The following LRRC3B variants were observed in gnomAD, a reference collection of about 807,000 sequenced individuals.
LRRC3B encodes the protein leucine rich repeat containing 3B.
LRRC3B carries 2 observed loss-of-function variants against 12.8 expected under a neutral mutation model. The ratio of observed to expected loss-of-function variants is 0.16; its 90% CI spans 0.06 to 0.49. The LOEUF (loss-of-function observed/expected upper bound fraction) is 0.49. Ranked by LOEUF, LRRC3B falls within the 20% of genes least tolerant of loss-of-function variation. The pLI is 0.96. For missense variants in LRRC3B, 189 were observed against 319.4 expected, an observed-to-expected ratio of 0.59 and a Z score of 3.11; for synonymous variants, 132 against 122.0, an observed-to-expected ratio of 1.08 and a Z score of -0.54.
rs79705091 is a variant in LRRC3B, at chr3:26,682,870, T to C, written c.-160-26643T>C. Among the ~76,000 whole-genome samples, 389 of 152,362 alleles carry C rather than the reference T, an allele frequency of 2.6e-3. 3 individuals are homozygous for C. Among genetic ancestry groups the C allele is most frequent in the African/African-American group, 9.1e-3 (377 of 41,588 alleles). ...CATCAATTAGCTCTCTATTTCCTGT[T>C]TCACTTTTCCATTTTGTTTACCCCA... On this transcript the variant is annotated intron_variant, in intron 1 of 1. Coordinates refer to ENST00000396641, the Ensembl canonical transcript of LRRC3B.
chr3:26,628,636 A>AGT (rs113606985), intron 1 of LRRC3B, among the ~76,000 whole-genome samples: 4,510 of 152,010 alleles, frequency 0.03, 238 homozygotes, highest in African/African-American at 0.1. Context: ...CTGAGATGTT[A>AGT]GTATATATCT....
chr3:26,673,431 T>A (rs78146885), intron 1 of LRRC3B, among the ~76,000 whole-genome samples: 1 of 152,164 alleles, frequency 6.6e-6, no homozygotes, highest in South Asian at 2.1e-4. Flanking sequence ...TACAGAACAA[T>A]GAAAATGTAT....
rs376866031 is a variant in LRRC3B at position 26,672,924 on chromosome 3, G to C, written c.-160-36589G>C. ...CAGATCAGCTGTACAGAATGACTTT[G>C]AGAGAACAGCACTTCTCCTTCAAAA... is the stretch of plus-strand genomic sequence containing the variant. On this transcript the variant is annotated intron_variant, in intron 1 of 1. Coordinates refer to ENST00000396641, the Ensembl canonical transcript of LRRC3B. Among the ~76,000 whole-genome samples, 3 of 152,162 alleles carry C rather than the reference G, an allele frequency of 2.0e-5. No individual in the cohort carries two copies. In the East Asian group the frequency reaches 5.8e-4, roughly 29 times the overall value.
chr3:26,705,867 A>G (rs1700573918), intron 1 of LRRC3B, among the ~76,000 whole-genome samples: 1 of 152,142 alleles, frequency 6.6e-6, no homozygotes, highest in South Asian at 2.1e-4. Flanking sequence ...CAAACTGATA[A>G]TCCCTTTGGA....
intron 1 of LRRC3B, among the ~76,000 whole-genome samples, chr3:26,681,438 AAG>A (rs1318702324): frequency 6.6e-6 from 1 of 152,230 alleles, no homozygotes; most frequent in African/African-American, 2.4e-5. Flanking sequence ...TCTGCTCAGC[AAG>A]AGAGAATATT....
chr3:26,698,997 A>G (rs929357695), intron 1 of LRRC3B, among the ~76,000 whole-genome samples: 1 of 151,924 alleles, frequency 6.6e-6, no homozygotes, highest in Non-Finnish European at 1.5e-5. Flanking sequence ...TCTTTTCTTT[A>G]TCTAGAACAG....
chr3:26,679,662 T>G (rs1699930327), intron 1 of LRRC3B, among the ~76,000 whole-genome samples: 1 of 152,184 alleles, frequency 6.6e-6, no homozygotes, highest in African/African-American at 2.4e-5. Flanking sequence ...TTATTCCGCT[T>G]GGTAGTTATT....
At chr3:26,640,118 C>G (rs1241605268) in intron 1 of LRRC3B, among the ~76,000 whole-genome samples, 4 of 152,168 alleles carry the variant, frequency 2.6e-5, no homozygotes, top group Non-Finnish European at 5.9e-5. Context: ...ATCTAGGAAA[C>G]TGCATTTTTG....
intron 1 of LRRC3B, among the ~76,000 whole-genome samples, chr3:26,661,523 A>G (rs1270033951): frequency 6.6e-6 from 1 of 152,154 alleles, no homozygotes; most frequent in Non-Finnish European, 1.5e-5. Flanking sequence ...TTTATACCCT[A>G]TTTTAAAAAA....
intron 1 of LRRC3B, among the ~76,000 whole-genome samples, chr3:26,646,083 CTT>C (rs1699137727): frequency 6.6e-6 from 1 of 152,110 alleles, no homozygotes; most frequent in Non-Finnish European, 1.5e-5. Flanking sequence ...TCTCTATACA[CTT>C]ATCGTTCATA....
intron 1 of LRRC3B, among the ~76,000 whole-genome samples, chr3:26,671,413 G>GAGAGAGAGAGAGAGAGAGAGACAC (rs9331540): frequency 6.0e-5 from 6 of 99,384 alleles, no homozygotes; most frequent in South Asian, 3.3e-4. Flanking sequence ...GAGAGAGAGA[G>GAGAGAGAGAGAGAGAGAGAGACAC]ACGAAGTCTT....
At chr3:26,632,843 C>T (rs1445193917) in intron 1 of LRRC3B, among the ~76,000 whole-genome samples, 1 of 152,058 alleles carries the variant, frequency 6.6e-6, no homozygotes, top group Non-Finnish European at 1.5e-5. Flanking sequence ...CTGCCATTTT[C>T]CTTGGCATAC....
chr3:26,646,868 C>T (rs1333581885), intron 1 of LRRC3B, among the ~76,000 whole-genome samples: 1 of 152,074 alleles, frequency 6.6e-6, no homozygotes, highest in African/African-American at 2.4e-5. Flanking sequence ...TAATTTGAGT[C>T]CCAGTCCCAC....
At chr3:26,657,536 C>T (rs1009203254) in intron 1 of LRRC3B, among the ~76,000 whole-genome samples, 3 of 152,170 alleles carry the variant, frequency 2.0e-5, no homozygotes, top group Admixed American at 1.3e-4. Context: ...TGATCACATT[C>T]TAACTTTCTT....
chr3:26,641,958 T>C (rs939681913), intron 1 of LRRC3B, among the ~76,000 whole-genome samples: 2 of 152,202 alleles, frequency 1.3e-5, no homozygotes, highest in African/African-American at 2.4e-5. Flanking sequence ...AATTTTAAAA[T>C]GTTTACTAAT....
intron 1 of LRRC3B, among the ~76,000 whole-genome samples, chr3:26,686,917 C>A (rs1354038286): frequency 6.6e-6 from 1 of 152,206 alleles, no homozygotes; most frequent in Non-Finnish European, 1.5e-5. Flanking sequence ...TCCTCCCCCA[C>A]TGGTCAGTCA....
chr3:26,676,788 C>T (rs1044024196), intron 1 of LRRC3B, among the ~76,000 whole-genome samples: 11 of 152,172 alleles, frequency 7.2e-5, no homozygotes, highest in Admixed American at 1.3e-4. Flanking sequence ...CACATGCACA[C>T]GTATGTTTCT....
At chr3:26,652,326 C>T (rs1171906262) in intron 1 of LRRC3B, among the ~76,000 whole-genome samples, 4 of 152,222 alleles carry the variant, frequency 2.6e-5, no homozygotes, top group African/African-American at 9.6e-5. Context: ...TTATGGGATC[C>T]TCTCCCGTTC....
At chr3:26,665,911 G>C (rs566334844) in intron 1 of LRRC3B, among the ~76,000 whole-genome samples, 1 of 152,132 alleles carries the variant, frequency 6.6e-6, no homozygotes, top group Non-Finnish European at 1.5e-5. Flanking sequence ...AGAGCTAAAA[G>C]TTTAATGTTG....
Sources: allele counts gnomAD v4.1 joint callset (sites outside exome capture counted in the v4.1 genomes callset), GRCh38; gene constraint gnomAD v4.1.1; transcripts MANE v1.5; gene names NCBI Gene and HGNC (gene_info 2026-07-23, HGNC 2026-07-21).